URB1: variants seen among roughly 807,000 people sequenced by gnomAD.
URB1 encodes URB1 ribosome biogenesis factor.
A neutral mutation model predicts 242.3 loss-of-function variants in URB1; 197 were observed. The observed-to-expected ratio is 0.81, with a 90% CI of 0.72 to 0.91. The LOEUF is 0.91. URB1 is among the 40% of genes least tolerant of loss of function. The pLI is 0.00. For missense variants in URB1, 2,721 were observed against 2,860.5 expected (o/e 0.95, Z 1.11); for synonymous variants, 1,153 against 1,201.8 (o/e 0.96, Z 0.84).
intron 30 of URB1, among the ~76,000 whole-genome samples, chr21:32,329,293 T>A (rs1393336855): frequency 6.6e-6 from 1 of 152,144 alleles, no homozygotes; most frequent in Non-Finnish European, 1.5e-5. Context: ...CCAGTATTAG[T>A]GGGCTTCAGT....
rs1246689324 is a variant in URB1 at position 32,347,494 on chromosome 21, C to T, written c.3330G>A (p.Glu1110=). The change falls in exon 22 of 39, where the codon GAG becomes GAA. Residue 1110 remains glutamate, a synonymous_variant. Transcript: ENST00000382751. ...KTPPQLEALQ[E]LHPYMEGAQL... is the part of the protein sequence containing the mutation. ...GGGCACCCTCCATGTATGGATGCAG[C>T]TCCTGCAGGGCCTCCAGCTGCGGCG... 5.2e-6 allele frequency: 8 copies of T among 1,551,164 alleles called. No homozygotes were observed. In the Admixed American group the frequency reaches 1.6e-4, roughly 30 times the overall value.
At chr21:32,368,035 T>C (rs1601149973) in intron 9 of URB1, among the ~76,000 whole-genome samples, 1 of 152,202 alleles carries the variant, frequency 6.6e-6, no homozygotes, top group Non-Finnish European at 1.5e-5. Flanking sequence ...AATGTCTGCC[T>C]GTCCCCTAAC....
At position 32,346,861 on chromosome 21, in the gene URB1, C is replaced by T. The variant is rs1390186625; in HGVS notation, c.3868+95G>A. Reference sequence around the variant, plus strand: ...CTGGAAACTAACCCACATCCCAGAACCTGAATTTCTAGGGTTTAAAAATGG... The same window carrying T: ...CTGGAAACTAACCCACATCCCAGAATCTGAATTTCTAGGGTTTAAAAATGG... On this transcript the variant is annotated intron_variant, in intron 22 of 38. Coordinates refer to ENST00000382751, the MANE Select transcript of URB1 (RefSeq NM_014825.3). 4 of 1,429,014 alleles carry T rather than the reference C, an allele frequency of 2.8e-6. No homozygotes were observed. The Admixed American group carries it at 1.2e-4, about 41-fold the overall frequency. The allele number at this position is 1,429,014 out of a possible 1,614,324, so 88.5% of individuals were successfully genotyped here.
chr21:32,331,628 A>G (rs1351137491), intron 30 of URB1, among the ~76,000 whole-genome samples: 2 of 152,242 alleles, frequency 1.3e-5, no homozygotes, highest in Admixed American at 1.3e-4. Flanking sequence ...TCTCACACAC[A>G]CAAAGGCCGG....
chr21:32,311,486 A>G lies in URB1; in HGVS notation c.*3432T>C. ...AAGACCTGAGGCCTAGTTCCTGACA[A>G]AGCACTTCCTCTCCTCTGAGATTTC... is the stretch of plus-strand genomic sequence containing the variant. On this transcript the variant is annotated 3_prime_UTR_variant, in exon 39 of 39. Coordinates refer to ENST00000382751, the MANE Select transcript of URB1 (RefSeq NM_014825.3). 1 of 587,112 alleles carries G rather than the reference A, an allele frequency of 1.7e-6. No individual in the cohort carries two copies. The highest frequency in any genetic ancestry group is 2.7e-6 in the Non-Finnish European group (1 of 365,426). 36.4% of individuals were successfully genotyped at this position (587,112 alleles called of 1,614,324 possible).
chr21:32,315,232 G>T, intron 38 of URB1, 133 bp from the exon 39 acceptor site: 1 of 732,344 alleles, frequency 1.4e-6, no homozygotes, highest in Non-Finnish European at 2.0e-6. Flanking sequence ...AACCCAAGGT[G>T]AGCACACCGA....
chr21:32,318,670 T>C (rs1418585102), intron 36 of URB1, among the ~76,000 whole-genome samples: 5 of 152,218 alleles, frequency 3.3e-5, no homozygotes, highest in Admixed American at 2.6e-4. Context: ...CACAGTGTAT[T>C]TTCTGTAACA....
intron 26 of URB1, among the ~76,000 whole-genome samples, chr21:32,338,272 T>C (rs1284209220): frequency 1.3e-5 from 2 of 152,184 alleles, no homozygotes; most frequent in African/African-American, 4.8e-5. Context: ...GCTTTTGAAG[T>C]TCTTTACCAC....
intron 20 of URB1, among the ~76,000 whole-genome samples, chr21:32,350,138 A>G (rs2033140749): frequency 1.3e-5 from 2 of 150,944 alleles, no homozygotes; most frequent in South Asian, 4.2e-4. Context: ...AAAAAAAAAA[A>G]AGAGGGAGGG....
intron 7 of URB1, among the ~76,000 whole-genome samples, chr21:32,373,140 T>C (rs2033423696): frequency 6.6e-6 from 1 of 152,218 alleles, no homozygotes; most frequent in Non-Finnish European, 1.5e-5. Context: ...GGGTCGATGT[T>C]AAGAGCAGCT....
At position 32,320,615 on chromosome 21, in the gene URB1, T is replaced by C. The variant is rs2032753859; in HGVS notation, c.5510A>G (p.Asn1837Ser). 1.3e-6 allele frequency: 2 copies of C among 1,551,808 alleles called. No homozygotes were observed. The highest frequency in any genetic ancestry group is 1.7e-6 in the Non-Finnish European group (2 of 1,147,006). The change falls in exon 35 of 39, where the codon AAT (asparagine) becomes AGT (serine). Residue 1837 changes from asparagine (N) to serine (S), a missense_variant. Coordinates refer to ENST00000382751, the MANE Select transcript of URB1 (RefSeq NM_014825.3). ...AQNWILEILQ[N>S]AAQVARSAYE... The stretch of plus-strand genomic sequence containing the variant: ...CGCAGATCTGGCAACCTGGGCAGCA[T>C]TCTGTAGAATTTCCAGAATCCAATT...
At position 32,383,487 on chromosome 21, in the gene URB1, C is replaced by T. The variant is rs777023658; in HGVS notation, c.502G>A (p.Val168Ile). The change falls in exon 4 of 39, where the codon GTC (valine) becomes ATC (isoleucine). Residue 168 changes from valine to isoleucine, a missense_variant. Physicochemically the swap from Val to Ile is conservative, Grantham distance 29. Transcript: ENST00000382751. Reference protein sequence around the residue: ...VTQGPEAARDVCSHFDLNKKT... With the variant: ...VTQGPEAARDICSHFDLNKKT... ...TTATTCAAATCAAAATGGCTGCAGA[C>T]GTCCCTGGCAGCTTCCGGACCCTGG... 38 of 1,551,456 alleles carry T rather than the reference C, an allele frequency of 2.4e-5. No homozygotes were observed. Among genetic ancestry groups the T allele is most frequent in the African/African-American group, 5.5e-5 (4 of 73,026 alleles).
In URB1 at chr21:32,354,065, C is replaced by T; in HGVS notation, c.2284G>A (p.Glu762Lys). Reference protein sequence around the residue: ...DMVDVLVEGSEGLDEEIGFTL... With the variant: ...DMVDVLVEGSKGLDEEIGFTL... ...AACCCTATTTCCTCATCCAAGCCTTCACTGCCCTCCACCAGGACATCCACC... is the reference window on the plus strand; with the variant it reads ...AACCCTATTTCCTCATCCAAGCCTTTACTGCCCTCCACCAGGACATCCACC... Residue 762 changes from glutamate (E) to lysine (K), a missense_variant, in exon 18 of 39, where the codon GAA becomes AAA. Coordinates refer to ENST00000382751, the MANE Select transcript of URB1 (RefSeq NM_014825.3). The T allele has an allele frequency of 6.4e-7, 1 of 1,551,742 alleles. No homozygotes were observed.
At chr21:32,359,005 G>A (rs546572661) in intron 14 of URB1, among the ~76,000 whole-genome samples, 49 of 152,302 alleles carry the variant, frequency 3.2e-4, no homozygotes, top group Middle Eastern at 3.4e-3. Flanking sequence ...CCTCAGCTAC[G>A]ATGCAGGGAA....
rs780805495 is a variant in URB1 at position 32,372,777 on chromosome 21, AAAC to A, written c.877-149_877-147del. 5.3e-5 allele frequency: 51 copies of A among 961,424 alleles called. No individual in the cohort carries two copies. In the Middle Eastern group the frequency reaches 1.3e-3, roughly 24 times the overall value. The allele number at this position is 961,424 out of a possible 1,614,324, so 59.6% of individuals were successfully genotyped here. A position where few individuals can be genotyped will look rare whatever the true frequency, so the allele number is the denominator to read the frequency against. The stretch of plus-strand genomic sequence containing the variant: ...TGGTGTCATTCCAAACAATAAATGA[AAAC>A]AACAACAAAAAGATACACCGATCAA... On this transcript the variant is annotated intron_variant, in intron 7 of 38. Transcript: ENST00000382751.
At chr21:32,378,153 T>C (rs1362682991) in intron 5 of URB1, among the ~76,000 whole-genome samples, 2 of 152,182 alleles carry the variant, frequency 1.3e-5, no homozygotes, top group African/African-American at 4.8e-5. Flanking sequence ...AAAGCCTCCT[T>C]TGTTTGCCCG....
At chr21:32,364,840 C>CA (rs1272615299) in intron 10 of URB1, among the ~76,000 whole-genome samples, 11 of 152,190 alleles carry the variant, frequency 7.2e-5, no homozygotes, top group Admixed American at 1.3e-4. Flanking sequence ...GATGCACTCA[C>CA]ATCACTGGGT....
intron 3 of URB1, 57 bp downstream of exon 3, chr21:32,384,256 T>C: frequency 6.6e-7 from 1 of 1,521,300 alleles, no homozygotes; most frequent in Non-Finnish European, 8.9e-7. Context: ...TGCGGAGAGC[T>C]GAATGCAGAC....
At chr21:32,355,160 T>TA (rs997760034) in intron 16 of URB1, among the ~76,000 whole-genome samples, 163 bp from the exon 17 acceptor site, 16 of 151,698 alleles carry the variant, frequency 1.1e-4, no homozygotes, top group Admixed American at 4.6e-4. Context: ...ATTGTGGAGT[T>TA]AAAAAAAAAT....
Sources: gnomAD v4.1 joint callset for allele counts (sites outside exome capture counted in the v4.1 genomes callset) on GRCh38, gnomAD v4.1.1 for gene constraint, MANE v1.5 for transcripts, NCBI Gene and HGNC (gene_info 2026-07-23, HGNC 2026-07-21) for gene names.